The following PDLIM4 variants were observed in gnomAD, a reference collection of about 807,000 sequenced individuals.
The protein encoded by PDLIM4 is PDZ and LIM domain protein 4.
Under a neutral mutation model 31.3 loss-of-function variants are expected in PDLIM4, and 19 were observed. The ratio of observed to expected loss-of-function variants is 0.61; its 90% CI spans 0.42 to 0.89. The LOEUF (loss-of-function observed/expected upper bound fraction) is 0.89, where lower values mean the gene tolerates loss of function less well. Ranked by LOEUF, PDLIM4 falls within the 40% of genes least tolerant of loss-of-function variation. The pLI is 0.00. For synonymous variants in PDLIM4, 176 were observed against 190.1 expected (o/e 0.93, Z 0.61); for missense variants, 442 against 461.1 (o/e 0.96, Z 0.38).
In PDLIM4 at chr5:132,271,644, C is replaced by A. The variant is rs371368762; in HGVS notation, c.671-147C>A. 7.6e-6 allele frequency: 7 copies of A among 919,280 alleles called. No individual in the cohort carries two copies. The Middle Eastern group carries it at 6.3e-4, about 83-fold the overall frequency. The allele number at this position is 919,280 out of a possible 1,614,324, so 56.9% of individuals were successfully genotyped here. On this transcript the variant is annotated intron_variant, in intron 5 of 6. Transcript: ENST00000253754. Reference sequence around the variant, plus strand: ...TGGCTTCCCGATTCCCTCTCCACCCCCTGTCGCTGCCCCTCACCCCACGCC... The same window carrying A: ...TGGCTTCCCGATTCCCTCTCCACCCACTGTCGCTGCCCCTCACCCCACGCC...
Position 132,270,911 on chromosome 5 carries a change from A to G in PDLIM4, c.328-4A>G. 1 of 1,613,890 alleles carries G rather than the reference A, an allele frequency of 6.2e-7. No individual in the cohort carries two copies. Among genetic ancestry groups the G allele is most frequent in the Non-Finnish European group, 8.5e-7 (1 of 1,179,874 alleles). ...TCCCAGTGCCTTAGGCCTCTCTCTA[A>G]TAGGACGGCAGCCCAACAACCAGCA... is the stretch of plus-strand genomic sequence containing the variant. On this transcript the variant is annotated splice_region_variant and splice_polypyrimidine_tract_variant and intron_variant, in intron 3 of 6. Transcript: ENST00000253754.
At chr5:132,269,603 C>T (rs532319180) in intron 3 of PDLIM4, among the ~76,000 whole-genome samples, 1 of 151,982 alleles carries the variant, frequency 6.6e-6, no homozygotes, top group South Asian at 2.1e-4. Flanking sequence ...TCCCCAGGTT[C>T]CCACCCTACA....
Position 132,272,220 on chromosome 5 carries a change from A to T in PDLIM4, c.984A>T (p.Glu328Asp), listed in dbSNP as rs1441910488. The T allele has an allele frequency of 2.5e-6, 4 of 1,613,818 alleles. No individual in the cohort carries two copies. In the South Asian group the frequency reaches 4.4e-5, roughly 18 times the overall value. Reference sequence around the variant, plus strand: ...CGGTGTACCCCAATGCCAAGGTGGAACTCGTCTGAGCTGGGACCCTGCTCC... The same window carrying T: ...CGGTGTACCCCAATGCCAAGGTGGATCTCGTCTGAGCTGGGACCCTGCTCC... ...VVAVYPNAKVELV is the reference protein window; with the variant it reads ...VVAVYPNAKVDLV The change falls in exon 7 of 7, where the codon GAA becomes GAT. Residue 328 changes from glutamate to aspartate, a missense_variant. Physicochemically the swap from Glu to Asp is conservative, Grantham distance 45. Transcript: ENST00000253754.
At position 132,270,919 on chromosome 5, in the gene PDLIM4, G is replaced by T; in HGVS notation, c.332G>T (p.Gly111Val). Residue 111 changes from glycine (G) to valine (V), a missense_variant, in exon 4 of 7, where the codon GGC (glycine) becomes GTC (valine). By Grantham distance (109) the Gly-to-Val change is moderately radical. Coordinates refer to ENST00000253754, the MANE Select transcript of PDLIM4 (RefSeq NM_003687.4). ...RIHIDPEIQD[G>V]SPTTSRRPSG... The stretch of plus-strand genomic sequence containing the variant: ...CCTTAGGCCTCTCTCTAATAGGACG[G>T]CAGCCCAACAACCAGCAGGCGGCCC... 1.2e-6 allele frequency: 2 copies of T among 1,614,022 alleles called. No homozygotes were observed. The highest frequency in any genetic ancestry group is 1.7e-6 in the Non-Finnish European group (2 of 1,179,930).
chr5:132,261,422 C>T (rs774270807), intron 1 of PDLIM4: 6 of 152,278 alleles, frequency 3.9e-5, no homozygotes, highest in African/African-American at 9.6e-5. Flanking sequence ...ACTACTGAGA[C>T]CTGGCTGAAC....
rs375414803 is a variant in PDLIM4, at chr5:132,271,268, C to T, written c.507-35C>T. 1.1e-5 allele frequency: 18 copies of T among 1,567,778 alleles called. No homozygotes were observed. In the African/African-American group the frequency reaches 1.5e-4, roughly 13 times the overall value. ...GTCCACAGGGTGAAGGCTGGAACTGCATCCCTTCCTCCTCTATTTCTTTCT... is the reference window on the plus strand; with the variant it reads ...GTCCACAGGGTGAAGGCTGGAACTGTATCCCTTCCTCCTCTATTTCTTTCT... On this transcript the variant is annotated intron_variant, in intron 4 of 6. Coordinates refer to ENST00000253754, the MANE Select transcript of PDLIM4 (RefSeq NM_003687.4).
Position 132,271,919 on chromosome 5 carries a change from G to T in PDLIM4, c.788+11G>T, listed in dbSNP as rs760005543. The T allele has an allele frequency of 3.1e-6, 5 of 1,591,934 alleles. No individual in the cohort carries two copies. The African/African-American group carries it at 6.7e-5, about 21-fold the overall frequency. ...CGGCCACGGCATCGTGTGAGTAACC[G>T]CCCCCGCTGCCCCTCCCGGACCCTA... is the stretch of plus-strand genomic sequence containing the variant. On this transcript the variant is annotated intron_variant, in intron 6 of 6. Coordinates refer to ENST00000253754, the MANE Select transcript of PDLIM4 (RefSeq NM_003687.4).
In PDLIM4 at chr5:132,271,834, G is replaced by T. The variant is rs371120846; in HGVS notation, c.714G>T (p.Thr238=). 1 of 1,612,884 alleles carries T rather than the reference G, an allele frequency of 6.2e-7. No homozygotes were observed. Among genetic ancestry groups the T allele is most frequent in the Non-Finnish European group, 8.5e-7 (1 of 1,179,648 alleles). The change falls in exon 6 of 7, where the codon ACG becomes ACT. Residue 238 remains threonine, a synonymous_variant. Transcript: ENST00000253754. ...GPGGPRNLKP[T]ASKLGAPLSG... The stretch of plus-strand genomic sequence containing the variant: ...GCGGCCCCCGGAACCTCAAGCCCAC[G>T]GCCAGCAAGCTGGGCGCTCCGCTGA...
At chr5:132,265,160 A>G (rs1756462791) in intron 2 of PDLIM4, among the ~76,000 whole-genome samples, 2 of 152,150 alleles carry the variant, frequency 1.3e-5, no homozygotes, top group Admixed American at 1.3e-4. Flanking sequence ...ATTTTGTTTA[A>G]AGAGCCCAGC....
At chr5:132,263,056 T>TCA in intron 2 of PDLIM4, among the ~76,000 whole-genome samples, 2 of 47,156 alleles carry the variant, frequency 4.2e-5, no homozygotes, top group African/African-American at 1.2e-4. Context: ...CTGGGGCATT[T>TCA]GTTTCATTCC....
chr5:132,271,258 G>A, intron 4 of PDLIM4, 45 bp from the exon 5 acceptor site: 4 of 1,561,064 alleles, frequency 2.6e-6, no homozygotes, highest in African/African-American at 1.3e-5. Context: ...CAGGGTGAAG[G>A]CTGGAACTGC....
rs1249799838 is a variant in PDLIM4 at position 132,272,215 on chromosome 5, G to T, written c.979G>T (p.Val327Leu). 1 of 1,614,004 alleles carries T rather than the reference G, an allele frequency of 6.2e-7. No homozygotes were observed. Among genetic ancestry groups the T allele is most frequent in the Non-Finnish European group, 8.5e-7 (1 of 1,179,896 alleles). The change falls in exon 7 of 7, where the codon GTG becomes TTG. Residue 327 changes from valine (V) to leucine (L), a missense_variant. Physicochemically the swap from Val to Leu is conservative, Grantham distance 32. Transcript: ENST00000253754. ...GGTGGCGGTGTACCCCAATGCCAAGGTGGAACTCGTCTGAGCTGGGACCCT... is the reference window on the plus strand; with the variant it reads ...GGTGGCGGTGTACCCCAATGCCAAGTTGGAACTCGTCTGAGCTGGGACCCT... ...DVVAVYPNAK[V>L]ELV
chr5:132,269,913 C>G (rs1045228828), intron 3 of PDLIM4, among the ~76,000 whole-genome samples: 3 of 152,220 alleles, frequency 2.0e-5, no homozygotes, highest in Admixed American at 6.5e-5. Flanking sequence ...CTCCAAGTCT[C>G]TGTAACCATG....
intron 5 of PDLIM4, 62 bp from the exon 6 acceptor site, chr5:132,271,729 C>A: frequency 8.1e-7 from 1 of 1,228,346 alleles, no homozygotes; most frequent in South Asian, 1.2e-5. Context: ...AACCAAACAC[C>A]CCGCAGAAAT....
At chr5:132,271,242 A>G (rs1365647369) in intron 4 of PDLIM4, 61 bp from the exon 5 acceptor site, 3 of 1,538,244 alleles carry the variant, frequency 2.0e-6, no homozygotes, top group African/African-American at 2.7e-5. Context: ...CCAGACCCCA[A>G]GTCCACAGGG....
intron 3 of PDLIM4, 148 bp downstream of exon 3, chr5:132,266,693 C>T (rs1038725830): frequency 3.7e-6 from 2 of 533,532 alleles, no homozygotes; most frequent in African/African-American, 3.9e-5. Context: ...CTCTGGACCA[C>T]ATCCATACCC....
Position 132,271,397 on chromosome 5 carries a change from G to A in PDLIM4, c.601G>A (p.Val201Met), listed in dbSNP as rs778997358. The A allele has an allele frequency of 3.7e-6, 6 of 1,607,896 alleles. No individual in the cohort carries two copies. Among genetic ancestry groups the A allele is most frequent in the African/African-American group, 1.3e-5 (1 of 74,900 alleles). ...GATGCTGCGGGAGCCAGCCGAGCCCGTGGCCGCGGAGCCCAAGCAGTCAGG... is the reference window on the plus strand; with the variant it reads ...GATGCTGCGGGAGCCAGCCGAGCCCATGGCCGCGGAGCCCAAGCAGTCAGG... The part of the protein sequence containing the change: ...YRMLREPAEP[V>M]AAEPKQSGSF... Residue 201 changes from valine to methionine, a missense_variant, in exon 5 of 7, where the codon GTG becomes ATG. By Grantham distance (21) the Val-to-Met change is conservative (BLOSUM62 1). Coordinates refer to ENST00000253754, the MANE Select transcript of PDLIM4 (RefSeq NM_003687.4).
At chr5:132,259,076 G>C (rs1756311109) in intron 1 of PDLIM4, among the ~76,000 whole-genome samples, 1 of 152,114 alleles carries the variant, frequency 6.6e-6, no homozygotes, top group Non-Finnish European at 1.5e-5. Context: ...CTGGGGCCGA[G>C]TGAGGTGGGC....
intron 1 of PDLIM4, among the ~76,000 whole-genome samples, chr5:132,261,043 A>T (rs1290054543): frequency 6.6e-6 from 1 of 152,156 alleles, no homozygotes; most frequent in South Asian, 2.1e-4. Flanking sequence ...CTTTCTCTTC[A>T]TCTGTAAAAT....
Sources: gnomAD v4.1 joint callset for allele counts (sites outside exome capture counted in the v4.1 genomes callset) on GRCh38, gnomAD v4.1.1 for gene constraint, MANE v1.5 for transcripts, NCBI Gene and HGNC (gene_info 2026-07-23, HGNC 2026-07-21) for gene names.